Variants in PITPNB observed in about 807,000 individuals in gnomAD.
PITPNB encodes the protein phosphatidylinositol transfer protein beta.
Under a neutral mutation model 45.9 loss-of-function variants are expected in PITPNB, and 16 were observed. The observed-to-expected ratio is 0.35, with a 90% CI of 0.24 to 0.53. The LOEUF (loss-of-function observed/expected upper bound fraction) is 0.53. Among genes scored for constraint, PITPNB ranks in the 20% least tolerant of loss-of-function variants. The probability of loss-of-function intolerance (pLI) is 0.93; values close to 1 mark genes in which losing one functional copy is unlikely to be tolerated. For synonymous variants in PITPNB, 112 were observed against 108.9 expected (o/e 1.03, Z -0.18); for missense variants, 188 against 330.5 (o/e 0.57, Z 3.34).
chr22:27,873,871 C>T lies in PITPNB; in HGVS notation c.457-56G>A, dbSNP rs73880345. The T allele has an allele frequency of 3.9e-4, 455 of 1,163,974 alleles. 3 individuals are homozygous for T. In the African/African-American group the frequency reaches 6.5e-3, roughly 17 times the overall value. The allele number at this position is 1,163,974 out of a possible 1,614,324, so 72.1% of individuals were successfully genotyped here. ...AAGAAAACCAGAGAATATTCTTTAA[C>T]CGTGCCAGAATAGCTCTTCGCAGCT... On this transcript the variant is annotated intron_variant, in intron 7 of 11. Transcript: ENST00000335272.
chr22:27,879,384 G>GC (rs1480097956), intron 7 of PITPNB, among the ~76,000 whole-genome samples: 1 of 152,158 alleles, frequency 6.6e-6, no homozygotes, highest in Non-Finnish European at 1.5e-5. Context: ...AGAAAGTGAG[G>GC]CCCAATGGAG....
At chr22:27,862,003 C>T (rs1934349372) in intron 8 of PITPNB, among the ~76,000 whole-genome samples, 1 of 152,132 alleles carries the variant, frequency 6.6e-6, no homozygotes, top group South Asian at 2.1e-4. Context: ...ATCACTGAGT[C>T]AAAGGCCAAA....
intron 3 of PITPNB, among the ~76,000 whole-genome samples, chr22:27,898,680 G>A (rs769458461): frequency 1.3e-5 from 2 of 152,138 alleles, no homozygotes; most frequent in African/African-American, 2.4e-5. Flanking sequence ...TGCAGAAAAT[G>A]AGAAATTAAA....
At chr22:27,890,541 G>A (rs1400018293) in intron 7 of PITPNB, among the ~76,000 whole-genome samples, 1 of 151,954 alleles carries the variant, frequency 6.6e-6, no homozygotes, top group African/African-American at 2.4e-5. Context: ...GAAGCTGGGC[G>A]CGGTGGCTCA....
chr22:27,898,576 C>A (rs553774198), intron 3 of PITPNB, among the ~76,000 whole-genome samples: 1 of 151,894 alleles, frequency 6.6e-6, no homozygotes, highest in Non-Finnish European at 1.5e-5. Context: ...TTTCTTAATG[C>A]AAAAAGCCCC....
intron 3 of PITPNB, 43 bp from the exon 4 acceptor site, chr22:27,897,935 A>G (rs1172083156): frequency 7.5e-7 from 1 of 1,332,440 alleles, no homozygotes; most frequent in East Asian, 2.3e-5. Context: ...AGCACCATCA[A>G]TTCTTTCTTG....
rs57899627 is a variant in PITPNB, at chr22:27,869,363, G to A, written c.534+4375C>T. Among the ~76,000 whole-genome samples the A allele has an allele frequency of 2.6e-4, 39 of 152,246 alleles. 1 individual carries two copies. The East Asian group carries it at 7.5e-3, about 29-fold the overall frequency. On this transcript the variant is annotated intron_variant, in intron 8 of 11. Coordinates refer to ENST00000335272, the MANE Select transcript of PITPNB (RefSeq NM_012399.5). ...GTAGTTTTTTAAAAATAAAAGATATGTATCACATCATAGGCTAAAAAAATT... is the reference window on the plus strand; with the variant it reads ...GTAGTTTTTTAAAAATAAAAGATATATATCACATCATAGGCTAAAAAAATT...
chr22:27,910,948 T>C lies in PITPNB; in HGVS notation c.197+16A>G, dbSNP rs1451528182. The C allele has an allele frequency of 1.2e-6, 2 of 1,607,452 alleles. No homozygotes were observed. Among genetic ancestry groups the C allele is most frequent in the African/African-American group, 1.3e-5 (1 of 74,822 alleles). On this transcript the variant is annotated intron_variant, in intron 3 of 11. Transcript: ENST00000335272. ...AGCCAGGTAGTTACAAGGCGTCAAA[T>C]GTGAACACCGCTTACCTCTTTAGGT...
chr22:27,917,261 T>C (rs540450973), intron 1 of PITPNB, among the ~76,000 whole-genome samples: 13 of 152,254 alleles, frequency 8.5e-5, no homozygotes, highest in Admixed American at 2.0e-4. Context: ...AGAGTTAGCT[T>C]CATACTACTC....
At chr22:27,901,206 C>T (rs769126561) in intron 3 of PITPNB, among the ~76,000 whole-genome samples, 51 of 152,134 alleles carry the variant, frequency 3.4e-4, no homozygotes, top group South Asian at 6.2e-4. Context: ...GAATACATAC[C>T]GCTTCTCCCA....
At chr22:27,911,179 T>C in intron 2 of PITPNB, 70 bp from the exon 3 acceptor site, 1 of 1,074,258 alleles carries the variant, frequency 9.3e-7, no homozygotes, top group South Asian at 1.3e-5. Context: ...TGCTAAAATC[T>C]TAATAATATA....
At chr22:27,881,104 T>C (rs759856853) in intron 7 of PITPNB, among the ~76,000 whole-genome samples, 13 of 152,214 alleles carry the variant, frequency 8.5e-5, no homozygotes, top group Non-Finnish European at 1.9e-4. Context: ...AGGAAACATT[T>C]TCACATTTCT....
chr22:27,880,699 T>C (rs1411998701), intron 7 of PITPNB, among the ~76,000 whole-genome samples: 1 of 152,052 alleles, frequency 6.6e-6, no homozygotes, highest in African/African-American at 2.4e-5. Context: ...CTCGGCTCAC[T>C]ACAACCTCCG....
chr22:27,880,692 G>A (rs892233793), intron 7 of PITPNB, among the ~76,000 whole-genome samples: 1 of 151,572 alleles, frequency 6.6e-6, no homozygotes, highest in Non-Finnish European at 1.5e-5. Context: ...GCACGATCTC[G>A]GCTCACTACA....
At chr22:27,900,020 T>C (rs1260803634) in intron 3 of PITPNB, among the ~76,000 whole-genome samples, 5 of 151,952 alleles carry the variant, frequency 3.3e-5, no homozygotes, top group Admixed American at 2.0e-4. Context: ...CTGGCCAACA[T>C]GGCAAAACCC....
intron 9 of PITPNB, among the ~76,000 whole-genome samples, 169 bp downstream of exon 9, chr22:27,859,962 C>G (rs550928666): frequency 2.6e-5 from 4 of 152,182 alleles, no homozygotes; most frequent in Non-Finnish European, 5.9e-5. Flanking sequence ...CTGCTGCCAT[C>G]TGTCTTTGCT....
At chr22:27,889,493 G>A (rs1935213293) in intron 7 of PITPNB, among the ~76,000 whole-genome samples, 1 of 152,178 alleles carries the variant, frequency 6.6e-6, no homozygotes. Context: ...ATGTGTCAGA[G>A]CAACGAGTGT....
intron 8 of PITPNB, among the ~76,000 whole-genome samples, chr22:27,864,228 T>C (rs904717487): frequency 3.3e-5 from 5 of 152,188 alleles, no homozygotes; most frequent in African/African-American, 1.2e-4. Context: ...TCAAAATGAT[T>C]TGTGGGAGTC....
chr22:27,898,809 C>T (rs928011795), intron 3 of PITPNB, among the ~76,000 whole-genome samples: 1 of 152,118 alleles, frequency 6.6e-6, no homozygotes, highest in African/African-American at 2.4e-5. Context: ...CTTGTGCAAG[C>T]ATATGATAAT....
Sources: allele counts gnomAD v4.1 joint callset (sites outside exome capture counted in the v4.1 genomes callset), GRCh38; gene constraint gnomAD v4.1.1; transcripts MANE v1.5; gene names NCBI Gene and HGNC (gene_info 2026-07-23, HGNC 2026-07-21).